The following RGS7 variants were observed in gnomAD, a reference collection of about 807,000 sequenced individuals.
RGS7 encodes the protein regulator of G protein signaling 7.
Under a neutral mutation model 81.1 loss-of-function variants are expected in RGS7, and 27 were observed. That is an observed-to-expected ratio of 0.33 (90% CI 0.25 to 0.46). The LOEUF is 0.46. RGS7 is among the 20% of genes least tolerant of loss of function. The pLI is 1.00. For synonymous variants in RGS7, 208 were observed against 207.7 expected (o/e 1.00, Z -0.01); for missense variants, 396 against 607.4 (o/e 0.65, Z 3.66).
At chr1:241,355,652 G>A (rs779902548) in intron 2 of RGS7, 47 bp downstream of exon 2, 1 of 1,564,156 alleles carries the variant, frequency 6.4e-7, no homozygotes, top group Non-Finnish European at 8.8e-7. Flanking sequence ...AAAAAATCGA[G>A]AAAGCCGGAA....
chr1:241,317,167 G>A (rs1253422321), intron 2 of RGS7, among the ~76,000 whole-genome samples: 1 of 152,148 alleles, frequency 6.6e-6, no homozygotes, highest in Non-Finnish European at 1.5e-5. Context: ...GAAGAAATGA[G>A]CAGTTTATTT....
At chr1:241,326,940 G>C (rs1183094869) in intron 2 of RGS7, among the ~76,000 whole-genome samples, 1 of 141,234 alleles carries the variant, frequency 7.1e-6, no homozygotes, top group East Asian at 2.1e-4. Context: ...GAAAGAGAGA[G>C]AGAAATAAGC....
At chr1:241,152,759 C>T (rs151060495) in intron 2 of RGS7, among the ~76,000 whole-genome samples, 6 of 152,346 alleles carry the variant, frequency 3.9e-5, no homozygotes, top group African/African-American at 1.4e-4. Flanking sequence ...AGTATACTCT[C>T]CTTCTCCTCC....
At chr1:241,124,822 G>A (rs539450458) in intron 2 of RGS7, among the ~76,000 whole-genome samples, 3 of 152,358 alleles carry the variant, frequency 2.0e-5, no homozygotes, top group South Asian at 4.1e-4. Context: ...AGTAGTGATA[G>A]GACACTGTAG....
chr1:240,848,353 A>G (rs1163516670), intron 9 of RGS7, among the ~76,000 whole-genome samples: 1 of 152,202 alleles, frequency 6.6e-6, no homozygotes, highest in Non-Finnish European at 1.5e-5. Context: ...GTTATCTTAC[A>G]TGAAAAAATA....
intron 9 of RGS7, among the ~76,000 whole-genome samples, chr1:240,836,132 G>A (rs974776133): frequency 6.2e-5 from 9 of 145,910 alleles, no homozygotes; most frequent in South Asian, 2.2e-4. Flanking sequence ...CAAATGTACC[G>A]CTCTGGTGGG....
At chr1:240,932,783 C>T (rs1171380108) in intron 5 of RGS7, among the ~76,000 whole-genome samples, 1 of 149,624 alleles carries the variant, frequency 6.7e-6, no homozygotes, top group Non-Finnish European at 1.5e-5. Context: ...GCTGGGATTA[C>T]AGGTGTGAGC....
intron 18 of RGS7, among the ~76,000 whole-genome samples, chr1:240,791,825 G>C (rs1686060997): frequency 6.6e-6 from 1 of 152,104 alleles, no homozygotes; most frequent in South Asian, 2.1e-4. Context: ...CTTTTTCCTA[G>C]ATACTTAAAA....
intron 2 of RGS7, among the ~76,000 whole-genome samples, chr1:241,233,386 A>G (rs12043061): frequency 0.13 from 19,064 of 152,084 alleles, 1,402 homozygotes; most frequent in East Asian, 0.23. Context: ...CCTCCTCCAC[A>G]CTGCCATTCG....
At chr1:240,972,636 T>G (rs1324888600) in intron 4 of RGS7, among the ~76,000 whole-genome samples, 1 of 141,800 alleles carries the variant, frequency 7.1e-6, no homozygotes, top group Non-Finnish European at 1.5e-5. Flanking sequence ...GCATGGCACA[T>G]GTATACATAT....
At chr1:240,777,257 G>C (rs1262407484) in intron 18 of RGS7, among the ~76,000 whole-genome samples, 2 of 147,010 alleles carry the variant, frequency 1.4e-5, no homozygotes, top group Non-Finnish European at 3.0e-5. Flanking sequence ...ACTCCAGCCT[G>C]GGTGACAAGA....
At chr1:240,918,867 T>C (rs954973610) in intron 6 of RGS7, among the ~76,000 whole-genome samples, 4 of 151,542 alleles carry the variant, frequency 2.6e-5, no homozygotes, top group African/African-American at 9.7e-5. Flanking sequence ...AAGACACCAA[T>C]TACTGGTATA....
At chr1:240,969,927 A>G (rs921019723) in intron 4 of RGS7, among the ~76,000 whole-genome samples, 5 of 152,168 alleles carry the variant, frequency 3.3e-5, no homozygotes, top group Non-Finnish European at 7.3e-5. Context: ...TATCTCTCCT[A>G]TTCGCTTCAT....
chr1:241,081,006 A>T (rs1428887678), intron 3 of RGS7, among the ~76,000 whole-genome samples: 1 of 152,106 alleles, frequency 6.6e-6, no homozygotes, highest in Non-Finnish European at 1.5e-5. Context: ...ATATCCTCCC[A>T]CCTCACTCAA....
intron 4 of RGS7, among the ~76,000 whole-genome samples, chr1:240,972,476 C>T (rs1159014186): frequency 7.7e-6 from 1 of 130,000 alleles, no homozygotes; most frequent in Non-Finnish European, 1.6e-5. Flanking sequence ...TATTCTCACT[C>T]ATAGGTGGGA....
intron 18 of RGS7, among the ~76,000 whole-genome samples, chr1:240,785,322 C>T (rs574666302): frequency 1.3e-5 from 2 of 152,300 alleles, no homozygotes; most frequent in South Asian, 4.1e-4. Flanking sequence ...ACCCTATCCA[C>T]TCTTCAAAGA....
intron 2 of RGS7, among the ~76,000 whole-genome samples, chr1:241,312,047 C>T (rs915645179): frequency 6.6e-6 from 1 of 152,176 alleles, no homozygotes; most frequent in Non-Finnish European, 1.5e-5. Context: ...TTGAACCTCA[C>T]AAAGGACATT....
At chr1:241,044,788 G>T (rs900691295) in intron 3 of RGS7, among the ~76,000 whole-genome samples, 4 of 152,058 alleles carry the variant, frequency 2.6e-5, no homozygotes, top group Non-Finnish European at 5.9e-5. Flanking sequence ...CCATAAGCTT[G>T]ATATTTATTT....
chr1:241,157,913 G>GT lies in RGS7; in HGVS notation c.79-59152dup, dbSNP rs1558138902. Among the ~76,000 whole-genome samples the GT allele has an allele frequency of 5.3e-3, 795 of 149,906 alleles. 13 individuals are homozygous for GT. The highest frequency in any genetic ancestry group is 0.019 in the African/African-American group (764 of 40,742). ...GGCTCACTGCAAGCTCCACCTCCCGGTCACGCCATTCTCCTGCCTCAGCCT... is the reference window on the plus strand; with the variant it reads ...GGCTCACTGCAAGCTCCACCTCCCGGTTCACGCCATTCTCCTGCCTCAGCCT... On this transcript the variant is annotated intron_variant, in intron 2 of 18. Transcript: ENST00000440928.
Sources: gnomAD v4.1 joint callset for allele counts (sites outside exome capture counted in the v4.1 genomes callset) on GRCh38, gnomAD v4.1.1 for gene constraint, MANE v1.5 for transcripts, NCBI Gene and HGNC (gene_info 2026-07-23, HGNC 2026-07-21) for gene names.